Variants in TLN2 observed in about 807,000 individuals in gnomAD.
TLN2 encodes the protein talin 2.
In TLN2, 118 loss-of-function variants were observed where a neutral mutation model predicts 294.7. The ratio of observed to expected loss-of-function variants is 0.40; its 90% CI spans 0.34 to 0.47. The LOEUF (loss-of-function observed/expected upper bound fraction) is 0.47, where lower values mean the gene tolerates loss of function less well. Among genes scored for constraint, TLN2 ranks in the 20% least tolerant of loss-of-function variants. The pLI is 0.84. For missense variants in TLN2, 3,083 were observed against 3,282.2 expected (o/e 0.94, Z 1.48); for synonymous variants, 1,431 against 1,304.5 (o/e 1.10, Z -2.09).
intron 39 of TLN2, 70 bp downstream of exon 39, chr15:62,762,523 G>A (rs2062738968): frequency 6.6e-7 from 1 of 1,525,348 alleles, no homozygotes; most frequent in African/African-American, 1.4e-5. Context: ...AAGCCCACCA[G>A]GCTTTTTACT....
chr15:62,578,028 C>A (rs1265933905), intron 1 of TLN2, among the ~76,000 whole-genome samples: 1 of 152,052 alleles, frequency 6.6e-6, no homozygotes, highest in African/African-American at 2.4e-5. Flanking sequence ...TGAACTCATC[C>A]TTTTTTATGG....
intron 3 of TLN2, chr15:62,638,681 A>C: frequency 2.5e-6 from 1 of 393,584 alleles, no homozygotes; most frequent in South Asian, 1.8e-5. Flanking sequence ...TGTTGTGGGC[A>C]CTCTCTTTGG....
chr15:62,638,829 T>G (rs2050677701), intron 3 of TLN2, among the ~76,000 whole-genome samples: 1 of 152,192 alleles, frequency 6.6e-6, no homozygotes, highest in South Asian at 2.1e-4. Context: ...AGCTTCCAGT[T>G]ATTTCTGACT....
chr15:62,527,433 T>G (rs993634715), intron 1 of TLN2, among the ~76,000 whole-genome samples: 1 of 152,184 alleles, frequency 6.6e-6, no homozygotes, highest in African/African-American at 2.4e-5. Context: ...AAAGCCCACC[T>G]GGTTTATCAC....
At chr15:62,701,960 C>G (rs1288314771) in intron 17 of TLN2, 32 bp from the exon 18 acceptor site, 1 of 1,610,804 alleles carries the variant, frequency 6.2e-7, no homozygotes, top group Admixed American at 1.7e-5. Flanking sequence ...CATGTGCCCT[C>G]CTTTGATGGG....
intron 2 of TLN2, among the ~76,000 whole-genome samples, chr15:62,612,739 A>G (rs893544676): frequency 1.3e-5 from 2 of 152,266 alleles, no homozygotes; most frequent in East Asian, 3.9e-4. Flanking sequence ...TCTCCACTTA[A>G]TAGGTGAGAT....
At chr15:62,488,388 G>C (rs144890004) in intron 1 of TLN2, among the ~76,000 whole-genome samples, 63 of 152,230 alleles carry the variant, frequency 4.1e-4, no homozygotes, top group African/African-American at 1.4e-3. Context: ...CCAAGCAGTG[G>C]GTCTGAGCTG....
At chr15:62,794,186 G>A (rs1429847732) in intron 46 of TLN2, among the ~76,000 whole-genome samples, 3 of 152,304 alleles carry the variant, frequency 2.0e-5, no homozygotes, top group South Asian at 2.1e-4. Flanking sequence ...GGCCTCGGCC[G>A]CTACCTGTCC....
intron 52 of TLN2, among the ~76,000 whole-genome samples, chr15:62,818,651 G>A (rs894485509): frequency 8.5e-5 from 13 of 152,288 alleles, no homozygotes; most frequent in African/African-American, 2.9e-4. Flanking sequence ...AGGAGAGCTT[G>A]CAGTCAAAAC....
At chr15:62,822,444 C>G (rs1237574933) in intron 54 of TLN2, among the ~76,000 whole-genome samples, 1 of 152,210 alleles carries the variant, frequency 6.6e-6, no homozygotes, top group Non-Finnish European at 1.5e-5. Flanking sequence ...AAGCCTGTGC[C>G]AGGCAGTCTT....
chr15:62,539,472 G>C (rs1446789547), intron 1 of TLN2, among the ~76,000 whole-genome samples: 1 of 152,180 alleles, frequency 6.6e-6, no homozygotes, highest in African/African-American at 2.4e-5. Flanking sequence ...GGGAGGGGCT[G>C]TTCCAGAGAT....
chr15:62,772,899 G>A (rs967257767), intron 42 of TLN2, among the ~76,000 whole-genome samples: 4 of 151,902 alleles, frequency 2.6e-5, no homozygotes, highest in African/African-American at 7.3e-5. Context: ...CCTGACCTCA[G>A]GTGATCCATC....
At chr15:62,650,746 A>C (rs538614087) in intron 5 of TLN2, among the ~76,000 whole-genome samples, 40 of 152,342 alleles carry the variant, frequency 2.6e-4, no homozygotes, top group Non-Finnish European at 5.1e-4. Context: ...TGTAGGGTGA[A>C]GTGCACCCAT....
chr15:62,399,584 A>G (rs1394155959), intron 1 of TLN2, among the ~76,000 whole-genome samples: 1 of 152,242 alleles, frequency 6.6e-6, no homozygotes, highest in African/African-American at 2.4e-5. Flanking sequence ...GAAGCTGTCC[A>G]AGGTCATGGG....
chr15:62,829,231 C>G (rs918242829), intron 54 of TLN2: 1 of 150,928 alleles, frequency 6.6e-6, no homozygotes, highest in Non-Finnish European at 1.5e-5. Context: ...CTTGTTCTCA[C>G]ACAACTAATA....
intron 1 of TLN2, among the ~76,000 whole-genome samples, chr15:62,478,243 A>G: frequency 6.6e-6 from 1 of 152,160 alleles, no homozygotes; most frequent in East Asian, 1.9e-4. Flanking sequence ...ATCAGACCTC[A>G]TGTGGAGTTC....
intron 1 of TLN2, among the ~76,000 whole-genome samples, chr15:62,566,728 A>G (rs1312382841): frequency 2.0e-5 from 3 of 151,042 alleles, no homozygotes; most frequent in Non-Finnish European, 4.4e-5. Flanking sequence ...GACTCAAGAG[A>G]TGCTCTCACC....
chr15:62,516,408 A>G (rs74020174), intron 1 of TLN2, among the ~76,000 whole-genome samples: 2,583 of 152,278 alleles, frequency 0.017, 78 homozygotes, highest in African/African-American at 0.059. Context: ...TCCTAATCAC[A>G]TTATGCAGTT....
chr15:62,499,792 G>A (rs959879257), intron 1 of TLN2, among the ~76,000 whole-genome samples: 11 of 152,028 alleles, frequency 7.2e-5, no homozygotes, highest in African/African-American at 2.7e-4. Context: ...TAGTAGAGAC[G>A]GAGTTTCTCC....
Sources: gnomAD v4.1 joint callset for allele counts (sites outside exome capture counted in the v4.1 genomes callset) on GRCh38, gnomAD v4.1.1 for gene constraint, MANE v1.5 for transcripts, NCBI Gene and HGNC (gene_info 2026-07-23, HGNC 2026-07-21) for gene names.